ARHGAP10: variants seen among roughly 807,000 people sequenced by gnomAD.
ARHGAP10 encodes Rho GTPase activating protein 10, also known as rho GTPase-activating protein 10.
In ARHGAP10, 87 loss-of-function variants were observed where a neutral mutation model predicts 108.6. That is an observed-to-expected ratio of 0.80 (90% CI 0.67 to 0.96). The LOEUF (loss-of-function observed/expected upper bound fraction) is 0.96. Ranked by LOEUF, ARHGAP10 falls within the 40% of genes least tolerant of loss-of-function variation. ARHGAP10 has a pLI of 0.00. For missense variants in ARHGAP10, 939 were observed against 954.5 expected, an observed-to-expected ratio of 0.98 and a Z score of 0.21; for synonymous variants, 347 against 341.1, an observed-to-expected ratio of 1.02 and a Z score of -0.19.
At chr4:148,003,454 A>T (rs958304518) in intron 18 of ARHGAP10, among the ~76,000 whole-genome samples, 2 of 152,106 alleles carry the variant, frequency 1.3e-5, no homozygotes, top group Non-Finnish European at 2.9e-5. Context: ...AGCTGAGTTT[A>T]ATTCCTGGAT....
intron 1 of ARHGAP10, among the ~76,000 whole-genome samples, chr4:147,820,791 A>G (rs887666341): frequency 1.3e-5 from 2 of 151,914 alleles, no homozygotes; most frequent in East Asian, 3.9e-4. Flanking sequence ...GGGTTTCACC[A>G]TGTTGGCTGG....
chr4:147,930,537 T>C (rs1372898368), intron 13 of ARHGAP10, among the ~76,000 whole-genome samples: 2 of 152,128 alleles, frequency 1.3e-5, no homozygotes, highest in East Asian at 3.9e-4. Context: ...TAATTGTCTG[T>C]TTAATTTTAC....
chr4:147,741,778 A>G (rs567265541), intron 1 of ARHGAP10, among the ~76,000 whole-genome samples: 1 of 37,774 alleles, frequency 2.6e-5, no homozygotes, highest in South Asian at 1.3e-3. Flanking sequence ...ACACACACAC[A>G]CACACACACA....
chr4:147,797,763 G>A (rs1354908567), intron 1 of ARHGAP10, among the ~76,000 whole-genome samples: 2 of 152,140 alleles, frequency 1.3e-5, no homozygotes, highest in Non-Finnish European at 2.9e-5. Flanking sequence ...TCGGTCTGAT[G>A]TTTTGAGATC....
intron 18 of ARHGAP10, among the ~76,000 whole-genome samples, chr4:147,974,812 C>A (rs113046490): frequency 0.018 from 2,737 of 152,242 alleles, 87 homozygotes; most frequent in African/African-American, 0.063. Flanking sequence ...GGAGGCCTCA[C>A]AATCATGGCG....
intron 18 of ARHGAP10, among the ~76,000 whole-genome samples, chr4:148,001,221 T>A (rs1740705948): frequency 6.6e-6 from 1 of 152,128 alleles, no homozygotes; most frequent in South Asian, 2.1e-4. Flanking sequence ...GATCATACGG[T>A]TGTAGATGTG....
intron 18 of ARHGAP10, among the ~76,000 whole-genome samples, chr4:147,973,607 G>T (rs533919738): frequency 6.6e-6 from 1 of 152,140 alleles, no homozygotes; most frequent in Non-Finnish European, 1.5e-5. Context: ...TCATCCTGTT[G>T]TGCTATCAAA....
intron 4 of ARHGAP10, among the ~76,000 whole-genome samples, chr4:147,849,311 T>A (rs748047583): frequency 1.6e-4 from 24 of 151,806 alleles, no homozygotes; most frequent in Admixed American, 1.4e-3. Flanking sequence ...AAATAGCCTA[T>A]CCAACTGATA....
intron 11 of ARHGAP10, 76 bp from the exon 12 acceptor site, chr4:147,909,656 G>A (rs551952204): frequency 5.9e-6 from 7 of 1,191,434 alleles, no homozygotes; most frequent in Middle Eastern, 1.9e-4. Flanking sequence ...TTTTTTGTAT[G>A]GTCCTCAGTG....
At chr4:147,777,267 T>TC (rs1333897928) in intron 1 of ARHGAP10, among the ~76,000 whole-genome samples, 7 of 151,588 alleles carry the variant, frequency 4.6e-5, no homozygotes, top group Admixed American at 1.3e-4. Flanking sequence ...ATTTTCTTTT[T>TC]TTTTTTTTTT....
intron 18 of ARHGAP10, among the ~76,000 whole-genome samples, chr4:148,003,217 G>C (rs1740801584): frequency 6.6e-6 from 1 of 152,186 alleles, no homozygotes; most frequent in Non-Finnish European, 1.5e-5. Context: ...CCATGTAGTT[G>C]ATCGGTTTTG....
chr4:147,876,638 T>C lies in ARHGAP10; in HGVS notation c.832+1488T>C, dbSNP rs140745261. 6.2e-3 allele frequency among the ~76,000 whole-genome samples: 939 copies of C among 152,188 alleles called. 8 individuals carry two copies. The highest frequency in any genetic ancestry group is 0.022 in the African/African-American group (905 of 41,522). ...ACAAAACAAAAAACCACCTCGATAGTCTTGAGAATGTTAGAATTATTTGTA... is the reference window on the plus strand; with the variant it reads ...ACAAAACAAAAAACCACCTCGATAGCCTTGAGAATGTTAGAATTATTTGTA... On this transcript the variant is annotated intron_variant, in intron 8 of 22. Transcript: ENST00000336498.
At chr4:147,827,064 C>T (rs1214897789) in intron 3 of ARHGAP10, among the ~76,000 whole-genome samples, 1 of 152,038 alleles carries the variant, frequency 6.6e-6, no homozygotes, top group Non-Finnish European at 1.5e-5. Context: ...TAAAATAGTA[C>T]TTTCCTAAGT....
chr4:148,026,216 A>G (rs969516168), intron 19 of ARHGAP10, among the ~76,000 whole-genome samples: 10 of 152,160 alleles, frequency 6.6e-5, no homozygotes, highest in Admixed American at 6.5e-4. Flanking sequence ...TGATGTCCCA[A>G]ACAGCCAGTC....
intron 1 of ARHGAP10, among the ~76,000 whole-genome samples, chr4:147,803,115 G>A (rs1394309746): frequency 6.6e-6 from 1 of 151,790 alleles, no homozygotes. Flanking sequence ...TTCAAGCGAT[G>A]CTCATGCCTC....
chr4:148,033,528 T>G (rs1258499367), intron 19 of ARHGAP10, among the ~76,000 whole-genome samples: 2 of 152,222 alleles, frequency 1.3e-5, no homozygotes, highest in Non-Finnish European at 2.9e-5. Context: ...TTAGAGTTGG[T>G]GATTTTCTTT....
chr4:148,038,715 C>T (rs953385797), intron 19 of ARHGAP10, among the ~76,000 whole-genome samples: 1 of 152,144 alleles, frequency 6.6e-6, no homozygotes, highest in African/African-American at 2.4e-5. Context: ...TGCAGGGTGA[C>T]AGGAGGATGA....
chr4:147,745,687 T>G (rs7677034), intron 1 of ARHGAP10, among the ~76,000 whole-genome samples: 15,195 of 151,976 alleles, frequency 0.1, 1,839 homozygotes, highest in African/African-American at 0.29. Context: ...GAGACGGGGT[T>G]TCACCGTGTT....
rs1736765322 is a variant in ARHGAP10, at chr4:147,912,037, GTGTA to G, written c.1163-1035_1163-1032del. 3.5e-5 allele frequency among the ~76,000 whole-genome samples: 4 copies of G among 114,774 alleles called. No individual in the cohort carries two copies. In the South Asian group the frequency reaches 8.7e-4, roughly 25 times the overall value. 75.3% of individuals were successfully genotyped at this position (114,774 alleles called of 152,430 possible). A position where few individuals can be genotyped will look rare whatever the true frequency, so the allele number is the denominator to read the frequency against. Reference sequence around the variant, plus strand: ...TGTGTGTGTGTGTGTGTGTGTGTGTGTGTATAGTTTTCTTTAACTGAGCTGCTGT... The same window carrying G: ...TGTGTGTGTGTGTGTGTGTGTGTGTGTAGTTTTCTTTAACTGAGCTGCTGT... On this transcript the variant is annotated intron_variant, in intron 12 of 22. Transcript: ENST00000336498.
Sources: allele counts gnomAD v4.1 joint callset (sites outside exome capture counted in the v4.1 genomes callset), GRCh38; gene constraint gnomAD v4.1.1; transcripts MANE v1.5; gene names NCBI Gene and HGNC (gene_info 2026-07-23, HGNC 2026-07-21).